ZNF536: variants seen among roughly 807,000 people sequenced by gnomAD.
ZNF536 encodes the protein zinc finger protein 536.
Under a neutral mutation model 84.5 loss-of-function variants are expected in ZNF536, and 13 were observed. That is an observed-to-expected ratio of 0.15 (90% CI 0.10 to 0.24). The LOEUF (loss-of-function observed/expected upper bound fraction) is 0.24, where lower values mean the gene tolerates loss of function less well. Among genes scored for constraint, ZNF536 ranks in the 10% least tolerant of loss-of-function variants. The probability of loss-of-function intolerance (pLI) is 1.00; values close to 1 mark genes in which losing one functional copy is unlikely to be tolerated. For synonymous variants in ZNF536, 811 were observed against 742.5 expected, an observed-to-expected ratio of 1.09 and a Z score of -1.50; for missense variants, 1,536 against 1,747.5, an observed-to-expected ratio of 0.88 and a Z score of 2.16.
intron 1 of ZNF536, among the ~76,000 whole-genome samples, chr19:30,615,200 C>A (rs560854206): frequency 6.6e-6 from 1 of 151,472 alleles, no homozygotes; most frequent in African/African-American, 2.4e-5. Flanking sequence ...CCGTCTCGGC[C>A]TCCCAAAGTG....
rs146210556 is a variant in ZNF536, at chr19:30,492,266, C to T, written c.2171-42581C>T. 2.6e-3 allele frequency among the ~76,000 whole-genome samples: 398 copies of T among 152,214 alleles called. 3 individuals are homozygous for T. The highest frequency in any genetic ancestry group is 9.1e-3 in the African/African-American group (379 of 41,536). ...CATTTCTGCATAGTATTAGAAATTG[C>T]GTTTTTATTATATGAGACATTGGAT... On this transcript the variant is annotated intron_variant, in intron 2 of 4. Transcript: ENST00000355537.
chr19:30,327,582 C>T (rs897195142), intron 2 of ZNF536, among the ~76,000 whole-genome samples: 4 of 152,304 alleles, frequency 2.6e-5, no homozygotes, highest in Non-Finnish European at 4.4e-5. Flanking sequence ...ATTGTTCCTG[C>T]GAACCCTTCA....
chr19:30,470,660 C>T (rs2053594276), intron 2 of ZNF536, among the ~76,000 whole-genome samples: 1 of 150,812 alleles, frequency 6.6e-6, no homozygotes, highest in Non-Finnish European at 1.5e-5. Flanking sequence ...TTTGAGGAGT[C>T]CTGGACGGGT....
chr19:30,652,980 C>T (rs1052022766), intron 1 of ZNF536, among the ~76,000 whole-genome samples: 1 of 152,118 alleles, frequency 6.6e-6, no homozygotes, highest in African/African-American at 2.4e-5. Flanking sequence ...CTCGATGCCC[C>T]GTCAGAATCC....
chr19:30,650,207 G>A (rs184172281), intron 1 of ZNF536, among the ~76,000 whole-genome samples: 7 of 152,318 alleles, frequency 4.6e-5, no homozygotes, highest in East Asian at 3.9e-4. Flanking sequence ...AGGCCATTGC[G>A]AAAATACTTC....
At chr19:30,549,735 C>G (rs2045701959) in intron 4 of ZNF536, among the ~76,000 whole-genome samples, 1 of 152,116 alleles carries the variant, frequency 6.6e-6, no homozygotes, top group Non-Finnish European at 1.5e-5. Context: ...TTATAATGTA[C>G]TAAAATGCCT....
intron 3 of ZNF536, among the ~76,000 whole-genome samples, chr19:30,359,995 C>G (rs892696699): frequency 1.3e-5 from 2 of 152,222 alleles, no homozygotes; most frequent in Non-Finnish European, 2.9e-5. Flanking sequence ...TCACCTCTTC[C>G]TGGTCCAGAC....
chr19:30,380,277 C>A (rs954947087), intron 1 of ZNF536, among the ~76,000 whole-genome samples: 3 of 152,144 alleles, frequency 2.0e-5, no homozygotes, highest in Non-Finnish European at 4.4e-5. Context: ...CAGCCTTAGG[C>A]ACTACTTGTT....
At chr19:30,680,507 G>T (rs2050926238) in intron 1 of ZNF536, among the ~76,000 whole-genome samples, 1 of 149,056 alleles carries the variant, frequency 6.7e-6, no homozygotes, top group African/African-American at 2.5e-5. Flanking sequence ...GCGGTGTTTG[G>T]TTTTTTGTTC....
intron 4 of ZNF536, chr19:30,554,083 A>ACCCCC (rs34666982): frequency 7.8e-6 from 1 of 127,928 alleles, no homozygotes; most frequent in African/African-American, 3.0e-5. Context: ...AATAATTGGG[A>ACCCCC]CCCCCCCCCC....
intron 1 of ZNF536, among the ~76,000 whole-genome samples, chr19:30,417,377 C>T (rs2050779129): frequency 6.6e-6 from 1 of 151,748 alleles, no homozygotes; most frequent in African/African-American, 2.4e-5. Context: ...TTATTTAGTG[C>T]CATTAGGGAA....
intron 1 of ZNF536, among the ~76,000 whole-genome samples, chr19:30,637,144 G>A (rs2049096507): frequency 6.6e-6 from 1 of 152,176 alleles, no homozygotes; most frequent in African/African-American, 2.4e-5. Flanking sequence ...GCATTTTTAT[G>A]CAGAGGGTCC....
intron 2 of ZNF536, among the ~76,000 whole-genome samples, chr19:30,317,979 G>A (rs1451763451): frequency 6.6e-6 from 1 of 152,160 alleles, no homozygotes; most frequent in Non-Finnish European, 1.5e-5. Context: ...CAGGCTAAGC[G>A]ACCGAGTGCT....
chr19:30,688,268 C>T (rs1024212713), intron 1 of ZNF536, among the ~76,000 whole-genome samples: 2 of 152,128 alleles, frequency 1.3e-5, no homozygotes, highest in South Asian at 2.1e-4. Context: ...ACCTGAGCCT[C>T]GATTTTGGAA....
chr19:30,658,395 C>T (rs2049997650), intron 1 of ZNF536, among the ~76,000 whole-genome samples: 1 of 152,290 alleles, frequency 6.6e-6, no homozygotes, highest in Admixed American at 6.5e-5. Context: ...CATTGCCCAA[C>T]CTTCAAGCTC....
chr19:30,641,547 C>T (rs761170116), intron 1 of ZNF536, among the ~76,000 whole-genome samples: 3 of 152,002 alleles, frequency 2.0e-5, no homozygotes, highest in Admixed American at 6.6e-5. Flanking sequence ...TTGAATATGT[C>T]GACTGTTTCC....
intron 2 of ZNF536, among the ~76,000 whole-genome samples, chr19:30,324,805 G>A (rs1600224661): frequency 2.0e-5 from 3 of 152,090 alleles, no homozygotes; most frequent in South Asian, 2.1e-4. Context: ...AGTCAGAGCC[G>A]ATCTCCCCTG....
chr19:30,236,561 A>G (rs1031391664), intron 1 of ZNF536, among the ~76,000 whole-genome samples: 10 of 150,898 alleles, frequency 6.6e-5, no homozygotes, highest in Admixed American at 3.3e-4. Flanking sequence ...TTTTAGTTCC[A>G]TTTAAAATTT....
chr19:30,278,600 G>C (rs2045326028), intron 1 of ZNF536, among the ~76,000 whole-genome samples: 1 of 152,136 alleles, frequency 6.6e-6, no homozygotes, highest in Admixed American at 6.5e-5. Context: ...GGCTGGTTTG[G>C]GAGCTGGTTC....
Sources: gnomAD v4.1 joint callset for allele counts (sites outside exome capture counted in the v4.1 genomes callset) on GRCh38, gnomAD v4.1.1 for gene constraint, MANE v1.5 for transcripts, NCBI Gene and HGNC (gene_info 2026-07-23, HGNC 2026-07-21) for gene names.